Variants in EFCAB11 observed in about 807,000 individuals in gnomAD.
EFCAB11 encodes EF-hand calcium binding domain 11.
EFCAB11 carries 14 observed loss-of-function variants against 23.0 expected under a neutral mutation model. The observed-to-expected ratio is 0.61, with a 90% CI of 0.40 to 0.95. The LOEUF is 0.95. Among genes scored for constraint, EFCAB11 ranks in the 40% least tolerant of loss-of-function variants. The pLI, the probability that EFCAB11 is intolerant of heterozygous loss-of-function variation, is 0.00. For synonymous variants in EFCAB11, 65 were observed against 66.6 expected (o/e 0.98, Z 0.11); for missense variants, 198 against 195.8 (o/e 1.01, Z -0.07).
chr14:89,822,968 C>T (rs980594820), intron 5 of EFCAB11, among the ~76,000 whole-genome samples: 3 of 152,182 alleles, frequency 2.0e-5, no homozygotes, highest in African/African-American at 7.2e-5. Context: ...AATCCTGCTA[C>T]TTGGCCATCA....
chr14:89,850,654 G>A (rs1887575627), intron 5 of EFCAB11, among the ~76,000 whole-genome samples: 1 of 152,206 alleles, frequency 6.6e-6, no homozygotes, highest in Admixed American at 6.5e-5. Context: ...GTATGTGTAA[G>A]TCCAGATATG....
At chr14:89,953,841 C>G (rs147017838) in intron 2 of EFCAB11, 65 bp downstream of exon 2, 6 of 1,388,164 alleles carry the variant, frequency 4.3e-6, no homozygotes, top group Non-Finnish European at 6.0e-6. Flanking sequence ...GCCCTGTGAA[C>G]TTTTCTTAGG....
chr14:89,809,767 T>C lies in EFCAB11; in HGVS notation c.411-12443A>G, dbSNP rs145663920. Among the ~76,000 whole-genome samples the C allele has an allele frequency of 7.4e-4, 113 of 152,244 alleles. No homozygotes were observed. The East Asian group carries it at 0.014, about 19-fold the overall frequency. On this transcript the variant is annotated intron_variant, in intron 5 of 5. Coordinates refer to ENST00000316738, the MANE Select transcript of EFCAB11 (RefSeq NM_145231.4). The stretch of plus-strand genomic sequence containing the variant: ...CCAAATGTCTGAGAAAGAGAATGAA[T>C]TGGGCAGGGAAAGGGTTCTACCTCC...
intron 3 of EFCAB11, among the ~76,000 whole-genome samples, chr14:89,941,585 T>C (rs1426767323): frequency 1.1e-5 from 1 of 90,632 alleles, no homozygotes; most frequent in Non-Finnish European, 1.9e-5. Context: ...TTTTTAGTAC[T>C]TTTTTTTTTT....
At chr14:89,851,305 C>T (rs1378809555) in intron 5 of EFCAB11, among the ~76,000 whole-genome samples, 1 of 152,130 alleles carries the variant, frequency 6.6e-6, no homozygotes, top group Non-Finnish European at 1.5e-5. Flanking sequence ...GAAAAGATTT[C>T]CTCCAGCTGC....
chr14:89,827,095 T>G (rs1383842419), intron 5 of EFCAB11, among the ~76,000 whole-genome samples: 7 of 152,130 alleles, frequency 4.6e-5, no homozygotes, highest in Non-Finnish European at 1.5e-5. Context: ...GTTAGACAGG[T>G]ATTGAAGAAC....
At chr14:89,939,404 G>A (rs2139824890) in intron 3 of EFCAB11, among the ~76,000 whole-genome samples, 1 of 152,284 alleles carries the variant, frequency 6.6e-6, no homozygotes, top group East Asian at 1.9e-4. Flanking sequence ...AAAGAACAGG[G>A]ATCTAGGAAG....
chr14:89,916,216 G>A (rs188012854), intron 5 of EFCAB11, among the ~76,000 whole-genome samples: 73 of 142,812 alleles, frequency 5.1e-4, no homozygotes, highest in Non-Finnish European at 8.6e-4. Context: ...TTGTCTATGA[G>A]AAGTACATCT....
chr14:89,954,706 G>T lies in EFCAB11; in HGVS notation c.-46C>A, dbSNP rs948872609. ...CCCAGCAACCCAACCAGCTACCACC[G>T]CTTTCCCAGCCTGGCTGGCAGCCTA... On this transcript the variant is annotated 5_prime_UTR_variant, in exon 1 of 6. Transcript: ENST00000316738. 6.3e-7 allele frequency: 1 copy of T among 1,588,886 alleles called. No homozygotes were observed. The highest frequency in any genetic ancestry group is 1.1e-5 in the South Asian group (1 of 88,940).
chr14:89,931,163 T>G (rs535991817), intron 5 of EFCAB11: 1 of 172,534 alleles, frequency 5.8e-6, no homozygotes, highest in African/African-American at 2.4e-5. Context: ...ATGTAACCTG[T>G]GTTTGTCTGA....
chr14:89,849,102 T>C (rs1290355651), intron 5 of EFCAB11, among the ~76,000 whole-genome samples: 4 of 152,226 alleles, frequency 2.6e-5, no homozygotes, highest in South Asian at 2.1e-4. Context: ...TTAGTTCCAA[T>C]GTTTTAATCT....
intron 5 of EFCAB11, among the ~76,000 whole-genome samples, chr14:89,822,056 T>C (rs1290778902): frequency 1.3e-5 from 2 of 152,212 alleles, no homozygotes; most frequent in South Asian, 2.1e-4. Flanking sequence ...AGTAGTCATA[T>C]AGATAAAATT....
chr14:89,865,878 G>A (rs529939265), intron 5 of EFCAB11, among the ~76,000 whole-genome samples: 2 of 151,968 alleles, frequency 1.3e-5, no homozygotes, highest in African/African-American at 4.8e-5. Context: ...ATGTTGGCCA[G>A]GCTGGTCTCG....
intron 5 of EFCAB11, chr14:89,831,029 G>C (rs537118709): frequency 1.3e-5 from 2 of 152,612 alleles, no homozygotes; most frequent in South Asian, 4.1e-4. Context: ...GGGTGGAGAA[G>C]AGACCTGAAG....
intron 3 of EFCAB11, among the ~76,000 whole-genome samples, chr14:89,941,809 T>G (rs1157044612): frequency 6.6e-6 from 1 of 151,920 alleles, no homozygotes; most frequent in Non-Finnish European, 1.5e-5. Flanking sequence ...GAGGATCACT[T>G]GAGCCCAGGA....
At position 89,797,240 on chromosome 14, in the gene EFCAB11, T is replaced by C. The variant is rs745326197; in HGVS notation, c.*3A>G. ...CAGAGTTACCAAAAGTAGTTCACAA[T>C]AGTTAGGCTTCCTTCTGTCCATAGT... is the stretch of plus-strand genomic sequence containing the variant. On this transcript the variant is annotated 3_prime_UTR_variant, in exon 6 of 6. Transcript: ENST00000316738. 1.2e-6 allele frequency: 2 copies of C among 1,612,790 alleles called. No individual in the cohort carries two copies. The highest frequency in any genetic ancestry group is 1.3e-5 in the African/African-American group (1 of 74,892).
chr14:89,846,063 C>A (rs895998597), intron 5 of EFCAB11, among the ~76,000 whole-genome samples: 1 of 152,170 alleles, frequency 6.6e-6, no homozygotes, highest in Non-Finnish European at 1.5e-5. Flanking sequence ...TCAGAGTCCT[C>A]ATCCATAAAA....
At chr14:89,817,980 T>C (rs1234969114) in intron 5 of EFCAB11, among the ~76,000 whole-genome samples, 1 of 149,038 alleles carries the variant, frequency 6.7e-6, no homozygotes, top group Non-Finnish European at 1.5e-5. Flanking sequence ...GGTGACAGAG[T>C]GAGACTCTGT....
chr14:89,860,451 G>A lies in EFCAB11; in HGVS notation c.411-63127C>T, dbSNP rs141598522. On this transcript the variant is annotated intron_variant, in intron 5 of 5. Coordinates refer to ENST00000316738, the MANE Select transcript of EFCAB11 (RefSeq NM_145231.4). ...ATTTCTCAACCATTCTAAAAAGCTT[G>A]TGTTGTTACTATAGGCATACTACCT... 3.1e-3 allele frequency among the ~76,000 whole-genome samples: 466 copies of A among 152,316 alleles called. 3 individuals are homozygous for A. The highest frequency in any genetic ancestry group is 0.011 in the African/African-American group (437 of 41,588).
Sources: gnomAD v4.1 joint callset for allele counts (sites outside exome capture counted in the v4.1 genomes callset) on GRCh38, gnomAD v4.1.1 for gene constraint, MANE v1.5 for transcripts, NCBI Gene and HGNC (gene_info 2026-07-23, HGNC 2026-07-21) for gene names.